MPHOSPH9: variants seen among roughly 807,000 people sequenced by gnomAD.
MPHOSPH9 encodes the protein M-phase phosphoprotein 9.
Under a neutral mutation model 145.5 loss-of-function variants are expected in MPHOSPH9, and 88 were observed. That is an observed-to-expected ratio of 0.60 (90% confidence interval 0.51 to 0.72). The LOEUF (loss-of-function observed/expected upper bound fraction) is 0.72. Among genes scored for constraint, MPHOSPH9 ranks in the 30% least tolerant of loss-of-function variants. MPHOSPH9 has a pLI of 0.00. For synonymous variants in MPHOSPH9, 435 were observed against 486.2 expected, an observed-to-expected ratio of 0.89 and a Z score of 1.39; for missense variants, 1,238 against 1,386.6, an observed-to-expected ratio of 0.89 and a Z score of 1.70.
At chr12:123,193,926 T>C (rs1463491366) in intron 13 of MPHOSPH9, among the ~76,000 whole-genome samples, 1 of 152,044 alleles carries the variant, frequency 6.6e-6, no homozygotes, top group Non-Finnish European at 1.5e-5. Flanking sequence ...AAGACCCAAT[T>C]GACTCCATCA....
intron 2 of MPHOSPH9, among the ~76,000 whole-genome samples, chr12:123,228,507 G>C (rs2047516686): frequency 6.6e-6 from 1 of 152,122 alleles, no homozygotes; most frequent in Non-Finnish European, 1.5e-5. Flanking sequence ...GGCCAACATG[G>C]TGAAACACCA....
intron 1 of MPHOSPH9, among the ~76,000 whole-genome samples, chr12:123,239,141 T>C (rs886906763): frequency 8.5e-5 from 13 of 152,106 alleles, no homozygotes; most frequent in Non-Finnish European, 1.8e-4. Context: ...TGCTGGTACA[T>C]GCCTGTAGTT....
At chr12:123,176,606 T>C in intron 16 of MPHOSPH9, 82 bp downstream of exon 16, 3 of 1,032,872 alleles carry the variant, frequency 2.9e-6, no homozygotes, top group Middle Eastern at 2.1e-4. Flanking sequence ...GACTTTCTTA[T>C]GATTTAGACA....
chr12:123,200,405 CA>C (rs1353512117), intron 11 of MPHOSPH9, among the ~76,000 whole-genome samples: 2 of 151,864 alleles, frequency 1.3e-5, no homozygotes, highest in Non-Finnish European at 1.5e-5. Flanking sequence ...CTCCAGTAAC[CA>C]AGCCTGCCAC....
chr12:123,234,490 G>T (rs1207356314), upstream of MPHOSPH9, among the ~76,000 whole-genome samples: 3 of 152,142 alleles, frequency 2.0e-5, no homozygotes, highest in African/African-American at 7.2e-5. Flanking sequence ...CTGCCTCCCG[G>T]GTTCAAGTGA....
In MPHOSPH9 at chr12:123,243,851, A is replaced by C. The variant is rs2047990416; in HGVS notation, c.-159+2T>G. ...AAAGTAACAGGAAATGCACATATTT[A>C]CAAGAAAGCAACGCCTGATCCCATG... On this transcript the variant is annotated splice_donor_variant, in intron 1 of 2. Transcript: ENST00000545406. LOFTEE classifies it low-confidence loss of function (5UTR_SPLICE). 2 of 152,296 alleles carry C rather than the reference A, an allele frequency of 1.3e-5. No individual in the cohort carries two copies. Among genetic ancestry groups the C allele is most frequent in the African/African-American group, 4.8e-5 (2 of 41,458 alleles). The allele number at this position is 152,296 out of a possible 1,614,324, so 9.4% of individuals were successfully genotyped here. A position where few individuals can be genotyped will look rare whatever the true frequency, so the allele number is the denominator to read the frequency against.
rs1487872382 is a variant in MPHOSPH9, at chr12:123,159,398, C to T, written c.3450+1383G>A. Among the ~76,000 whole-genome samples, 1 of 151,436 alleles carries T rather than the reference C, an allele frequency of 6.6e-6. No individual in the cohort carries two copies. Among genetic ancestry groups the T allele is most frequent in the African/African-American group, 2.4e-5 (1 of 41,222 alleles). On this transcript the variant is annotated intron_variant, in intron 23 of 23. Transcript: ENST00000606320. This position sits in a 1 kb window ranked among gnomAD's most constrained non-coding sequence, Gnocchi z 4.3. ...CAGGCTGGTCTTGAACTCCTGACCTCGTGATCCGCCCACCTCGGCCTCCCA... is the reference window on the plus strand; with the variant it reads ...CAGGCTGGTCTTGAACTCCTGACCTTGTGATCCGCCCACCTCGGCCTCCCA...
intron 13 of MPHOSPH9, among the ~76,000 whole-genome samples, chr12:123,184,776 G>A (rs1279607439): frequency 6.6e-6 from 1 of 151,588 alleles, no homozygotes; most frequent in Admixed American, 6.6e-5. Flanking sequence ...GGGATTACAG[G>A]CATGAGCCAC....
At chr12:123,214,413 T>C (rs745767800) in intron 7 of MPHOSPH9, among the ~76,000 whole-genome samples, 1 of 152,138 alleles carries the variant, frequency 6.6e-6, no homozygotes, top group Non-Finnish European at 1.5e-5. Context: ...ACACCGCCTG[T>C]TGTCCCAGCT....
intron 8 of MPHOSPH9, among the ~76,000 whole-genome samples, chr12:123,209,302 AAGTG>A (rs1222591019): frequency 6.6e-6 from 1 of 152,242 alleles, no homozygotes; most frequent in African/African-American, 2.4e-5. Flanking sequence ...ATTTGAAAAC[AAGTG>A]AGTATGATTC....
At chr12:123,234,719 G>A (rs2047811193), upstream of MPHOSPH9, among the ~76,000 whole-genome samples, 1 of 152,078 alleles carries the variant, frequency 6.6e-6, no homozygotes, top group African/African-American at 2.4e-5. Context: ...TAAATTTGAT[G>A]TTATCCTATC....
chr12:123,240,397 G>A (rs138182288), intron 1 of MPHOSPH9: 1 of 152,112 alleles, frequency 6.6e-6, no homozygotes, highest in Non-Finnish European at 1.5e-5. Flanking sequence ...CCCAGACCTA[G>A]TGAACCAGCA....
At chr12:123,211,762 C>T (rs928811186) in intron 7 of MPHOSPH9, among the ~76,000 whole-genome samples, 12 of 137,878 alleles carry the variant, frequency 8.7e-5, no homozygotes, top group African/African-American at 2.9e-4. Flanking sequence ...GGTGCAATCA[C>T]AGCTCACTAC....
intron 12 of MPHOSPH9, among the ~76,000 whole-genome samples, chr12:123,197,714 G>A (rs562183321): frequency 1.1e-3 from 159 of 151,008 alleles, no homozygotes; most frequent in Middle Eastern, 3.4e-3. Context: ...CCTGGGAGGC[G>A]AAGGTTGCAG....
chr12:123,165,844 C>T (rs549330967), intron 17 of MPHOSPH9, among the ~76,000 whole-genome samples: 45 of 152,266 alleles, frequency 3.0e-4, no homozygotes, highest in African/African-American at 9.6e-4. Context: ...ACCCAGTCTA[C>T]GGTAATTTGT....
rs1027020264 is a variant in MPHOSPH9, at chr12:123,182,107, A to G, written c.2242-897T>C. 1.2e-4 allele frequency among the ~76,000 whole-genome samples: 18 copies of G among 151,426 alleles called. 1 individual carries two copies. Among genetic ancestry groups the G allele is most frequent in the African/African-American group, 4.4e-4 (18 of 41,254 alleles). On this transcript the variant is annotated intron_variant, in intron 13 of 23. Transcript: ENST00000606320. ...AGGCGCACGCCACCATGCCCGGCTA[A>G]TTTTTGTATTTTTAGTAAAGACGGG...
intron 5 of MPHOSPH9, among the ~76,000 whole-genome samples, chr12:123,220,641 C>T (rs967506999): frequency 6.6e-6 from 1 of 152,044 alleles, no homozygotes; most frequent in Admixed American, 6.6e-5. Flanking sequence ...ACATAGCACG[C>T]GCTCATAGTC....
chr12:123,163,319 T>C (rs995746458), intron 19 of MPHOSPH9, 185 bp from the exon 20 acceptor site: 1 of 582,302 alleles, frequency 1.7e-6, no homozygotes, highest in African/African-American at 2.0e-5. Flanking sequence ...AGGTAACCAC[T>C]GTAACACTGT....
At chr12:123,185,402 A>G (rs1466761504) in intron 13 of MPHOSPH9, among the ~76,000 whole-genome samples, 1 of 152,170 alleles carries the variant, frequency 6.6e-6, no homozygotes, top group African/African-American at 2.4e-5. Flanking sequence ...AACTTCCAGA[A>G]AGAGAAAAAA....
Sources: allele counts gnomAD v4.1 joint callset (sites outside exome capture counted in the v4.1 genomes callset), GRCh38; gene constraint gnomAD v4.1.1; non-coding constraint Gnocchi (gnomAD v3.1); transcripts MANE v1.5; gene names NCBI Gene and HGNC (gene_info 2026-07-23, HGNC 2026-07-21).